ASMTL: variants seen among roughly 807,000 people sequenced by gnomAD.
The protein encoded by ASMTL is acetylserotonin O-methyltransferase like, also known as probable bifunctional dTTP/UTP pyrophosphatase/methyltransferase protein.
Under a neutral mutation model 60.3 loss-of-function variants are expected in ASMTL, and 57 were observed. The ratio of observed to expected loss-of-function variants is 0.95; its 90% confidence interval spans 0.76 to 1.18. The LOEUF (loss-of-function observed/expected upper bound fraction) is 1.18. Ranked by LOEUF, ASMTL falls within the 50% of genes most tolerant of loss-of-function variation. The pLI, the probability that ASMTL is intolerant of heterozygous loss-of-function variation, is 0.00. For synonymous variants in ASMTL, 419 were observed against 373.0 expected, an observed-to-expected ratio of 1.12 and a Z score of -1.42; for missense variants, 981 against 852.6, an observed-to-expected ratio of 1.15 and a Z score of -1.88.
intron 5 of ASMTL, among the ~76,000 whole-genome samples, chrX:1,434,166 T>C (rs2090894495): frequency 6.6e-6 from 1 of 151,978 alleles, no homozygotes; most frequent in Non-Finnish European, 1.5e-5. Context: ...AGCAATATGG[T>C]GATACAACTG....
Position 1,413,000 on chromosome X carries a change from C to A in ASMTL, c.1523-146G>T, listed in dbSNP as rs1207243257. On this transcript the variant is annotated intron_variant, in intron 11 of 12. Transcript: ENST00000381317. ...GGGAATGGGTCTTCCTGAAGTACAT[C>A]CCCGTGGGGACTTGAACAGAGCTCC... The A allele has an allele frequency of 2.6e-5, 22 of 853,634 alleles. No individual in the cohort carries two copies. The African/African-American group carries it at 3.2e-4, about 12-fold the overall frequency. 52.9% of individuals were successfully genotyped at this position (853,634 alleles called of 1,614,324 possible).
intron 10 of ASMTL, 23 bp from the exon 11 acceptor site, chrX:1,418,139 T>G (rs774497404): frequency 6.4e-5 from 101 of 1,575,318 alleles, no homozygotes; most frequent in Non-Finnish European, 8.5e-5. Context: ...AAATGCATGC[T>G]CTGTGGCTGG....
intron 12 of ASMTL, among the ~76,000 whole-genome samples, chrX:1,405,560 T>C (rs2089791003): frequency 6.7e-6 from 1 of 149,506 alleles, no homozygotes; most frequent in Non-Finnish European, 1.5e-5. Context: ...GATGGATAGA[T>C]GGATGCATGC....
chrX:1,424,498 A>G (rs1199221847), intron 8 of ASMTL, among the ~76,000 whole-genome samples: 15 of 150,934 alleles, frequency 9.9e-5, no homozygotes, highest in African/African-American at 3.7e-4. Context: ...ACGCCCACTC[A>G]TCCATCTATC....
At chrX:1,434,697 A>G (rs2090913779) in intron 5 of ASMTL, among the ~76,000 whole-genome samples, 1 of 149,860 alleles carries the variant, frequency 6.7e-6, no homozygotes, top group Non-Finnish European at 1.5e-5. Context: ...CCAGCTACTG[A>G]GGCAGAAGGA....
chrX:1,451,710 A>AG (rs2091392088), intron 1 of ASMTL, among the ~76,000 whole-genome samples: 18 of 94,292 alleles, frequency 1.9e-4, no homozygotes, highest in South Asian at 3.8e-4. Context: ...CCCCATCCCT[A>AG]GGGGTCCCGG....
intron 2 of ASMTL, among the ~76,000 whole-genome samples, chrX:1,440,127 C>T (rs2091073537): frequency 6.6e-6 from 1 of 151,040 alleles, no homozygotes. Flanking sequence ...CGCTCTGTCG[C>T]CCAGGCTGGA....
At chrX:1,418,931 T>C (rs758143494) in intron 10 of ASMTL, 51 bp downstream of exon 10, 1 of 1,609,694 alleles carries the variant, frequency 6.2e-7, no homozygotes, top group South Asian at 1.1e-5. Context: ...GGAAGATACC[T>C]GTGGCTTAAT....
chrX:1,412,235 T>G lies in ASMTL; in HGVS notation c.1645+497A>C, dbSNP rs139897336. On this transcript the variant is annotated intron_variant, in intron 12 of 12. Coordinates refer to ENST00000381317, the MANE Select transcript of ASMTL (RefSeq NM_004192.4). ...AAGCCAATTCTTTTTTTGTTGTGGT[T>G]GTTCTTTTTTGACACCGAATCTCAC... Among the ~76,000 whole-genome samples the G allele has an allele frequency of 3.8e-3, 572 of 151,988 alleles. 5 individuals carry two copies. Among genetic ancestry groups the G allele is most frequent in the African/African-American group, 0.012 (507 of 41,470 alleles).
At chrX:1,416,528 TGGGCACACGCAC>T (rs1457602353) in intron 11 of ASMTL, among the ~76,000 whole-genome samples, 6 of 148,834 alleles carry the variant, frequency 4.0e-5, no homozygotes, top group African/African-American at 7.5e-5. Flanking sequence ...CATGCACAGA[TGGGCACACGCAC>T]GGACACACAG....
At chrX:1,436,916 T>A (rs1386963174) in intron 3 of ASMTL, among the ~76,000 whole-genome samples, 2 of 152,250 alleles carry the variant, frequency 1.3e-5, no homozygotes, top group African/African-American at 4.8e-5. Context: ...CTACAGACAT[T>A]GATTCTCCCA....
intron 7 of ASMTL, among the ~76,000 whole-genome samples, chrX:1,426,623 C>T (rs1426036451): frequency 2.6e-5 from 4 of 152,110 alleles, no homozygotes; most frequent in African/African-American, 4.8e-5. Context: ...GAGGCCGAGG[C>T]GGGTGGATCA....
intron 1 of ASMTL, among the ~76,000 whole-genome samples, chrX:1,445,722 T>A (rs2091217400): frequency 6.6e-6 from 1 of 152,196 alleles, no homozygotes; most frequent in Admixed American, 6.5e-5. Context: ...TTAGATATGG[T>A]TATATATGAA....
chrX:1,417,661 A>G (rs2090341538), intron 11 of ASMTL, among the ~76,000 whole-genome samples: 1 of 151,258 alleles, frequency 6.6e-6, no homozygotes, highest in Non-Finnish European at 1.5e-5. Flanking sequence ...ACACACACAC[A>G]TACTCTCACA....
Position 1,427,889 on chromosome X carries a change from G to C in ASMTL, c.742C>G (p.Pro248Ala). ...LSDVEGGGSEPTQRDAGSRDE... is the reference protein window; with the variant it reads ...LSDVEGGGSEATQRDAGSRDE... ...CGGCTGCCCGCGTCCCTCTGAGTGG[G>C]CTCCGAGCCGCCCCCCTCCACGTCA... The change falls in exon 7 of 13, where the codon CCC becomes GCC. Residue 248 changes from proline (P) to alanine (A), a missense_variant. Physicochemically the swap from Pro to Ala is conservative, Grantham distance 27. Coordinates refer to ENST00000381317, the MANE Select transcript of ASMTL (RefSeq NM_004192.4). The C allele has an allele frequency of 3.7e-6, 6 of 1,613,230 alleles. No homozygotes were observed. Among genetic ancestry groups the C allele is most frequent in the Non-Finnish European group, 5.1e-6 (6 of 1,179,824 alleles).
At chrX:1,426,279 G>A (rs1204255554) in intron 7 of ASMTL, among the ~76,000 whole-genome samples, 1 of 152,154 alleles carries the variant, frequency 6.6e-6, no homozygotes, top group Non-Finnish European at 1.5e-5. Flanking sequence ...AAACCACCTG[G>A]TGGTGATTTA....
chrX:1,420,037 CTG>C (rs2090434207), intron 9 of ASMTL, among the ~76,000 whole-genome samples: 1 of 28,044 alleles, frequency 3.6e-5, no homozygotes, highest in Non-Finnish European at 3.4e-4. Flanking sequence ...CCCTCTGTCT[CTG>C]TCTCTATGTC....
At chrX:1,403,614 C>G in intron 12 of ASMTL, 125 bp from the exon 13 acceptor site, 1 of 807,398 alleles carries the variant, frequency 1.2e-6, no homozygotes, top group Non-Finnish European at 2.0e-6. Context: ...GAACCCTTGG[C>G]CAGGGGGCCC....
chrX:1,410,359 T>C (rs2089963866), intron 12 of ASMTL, among the ~76,000 whole-genome samples: 1 of 151,456 alleles, frequency 6.6e-6, no homozygotes, highest in South Asian at 2.1e-4. Context: ...TGAACTATGA[T>C]GACAACACTG....
Sources: allele counts gnomAD v4.1 joint callset (sites outside exome capture counted in the v4.1 genomes callset), GRCh38; gene constraint gnomAD v4.1.1; transcripts MANE v1.5; gene names NCBI Gene and HGNC (gene_info 2026-07-23, HGNC 2026-07-21).